Variants in COPA observed in about 807,000 individuals in gnomAD.
The protein encoded by COPA is coat protein complex I subunit alpha.
COPA carries 10 observed loss-of-function variants against 158.7 expected under a neutral mutation model. The observed-to-expected ratio is 0.06, with a 90% confidence interval of 0.04 to 0.11. The LOEUF (loss-of-function observed/expected upper bound fraction) is 0.11. COPA is among the 10% of genes least tolerant of loss of function. COPA has a pLI of 1.00. For synonymous variants in COPA, 462 were observed against 542.8 expected (o/e 0.85, Z 2.07); for missense variants, 1,065 against 1,536.7 (o/e 0.69, Z 5.13).
Position 160,291,375 on chromosome 1 carries a change from C to T in COPA, c.3380G>A (p.Arg1127His), listed in dbSNP as rs776528615. ...AGGCTTGGGCCCGAGTTCTAGTAGG[C>T]GCCGAGCAAAGGTGGCAGCTGTCTT... is the stretch of plus-strand genomic sequence containing the variant. ...NFKTAATFAR[R>H]LLELGPKPEV... The change falls in exon 31 of 33, where the codon CGC becomes CAC. Residue 1127 changes from arginine to histidine, a missense_variant. Transcript: ENST00000241704. 3.3e-5 allele frequency: 53 copies of T among 1,613,784 alleles called. No individual in the cohort carries two copies. Among genetic ancestry groups the T allele is most frequent in the Non-Finnish European group, 4.2e-5 (50 of 1,179,946 alleles).
intron 14 of COPA, 34 bp downstream of exon 14, chr1:160,307,129 C>T (rs1658814377): frequency 1.2e-6 from 2 of 1,606,468 alleles, no homozygotes; most frequent in Non-Finnish European, 1.7e-6. Flanking sequence ...CACCACACTC[C>T]CCAAATTAGT....
In COPA at chr1:160,333,595, T is replaced by C. The variant is rs760151881; in HGVS notation, c.386+8A>G. ...GACTCTTTTCGAGCCCTCTGCCTCC[T>C]GCTTTACCAAACACAGGTTCTAGAT... On this transcript the variant is annotated splice_region_variant and intron_variant, in intron 5 of 32. Transcript: ENST00000241704. 3 of 1,608,160 alleles carry C rather than the reference T, an allele frequency of 1.9e-6. No homozygotes were observed. In the African/African-American group the frequency reaches 4.0e-5, roughly 22 times the overall value.
At chr1:160,320,703 C>T (rs556259081) in intron 8 of COPA, among the ~76,000 whole-genome samples, 1 of 147,850 alleles carries the variant, frequency 6.8e-6, no homozygotes, top group African/African-American at 2.5e-5. Flanking sequence ...TAAAAATTCT[C>T]CCATCAAAGA....
intron 4 of COPA, among the ~76,000 whole-genome samples, chr1:160,334,056 G>A (rs1006064446): frequency 2.6e-5 from 4 of 152,108 alleles, no homozygotes; most frequent in African/African-American, 4.8e-5. Context: ...TCTAGGATGG[G>A]AATATTATTT....
At chr1:160,314,846 C>A (rs1040981067) in intron 8 of COPA, among the ~76,000 whole-genome samples, 1 of 152,052 alleles carries the variant, frequency 6.6e-6, no homozygotes, top group African/African-American at 2.4e-5. Flanking sequence ...GAGCCTTAAA[C>A]AAAGTCTAGT....
Position 160,320,916 on chromosome 1 carries a change from G to A in COPA, c.706+2515C>T, listed in dbSNP as rs555280570. Among the ~76,000 whole-genome samples, 7 of 151,200 alleles carry A rather than the reference G, an allele frequency of 4.6e-5. No homozygotes were observed. The South Asian group carries it at 8.3e-4, about 18-fold the overall frequency. On this transcript the variant is annotated intron_variant, in intron 8 of 32. Coordinates refer to ENST00000241704, the MANE Select transcript of COPA (RefSeq NM_004371.4). ...CCACAAAAAGAGAAAACTACAGGCC[G>A]ATATCACTGATGAACATAGATGCAA...
intron 8 of COPA, among the ~76,000 whole-genome samples, chr1:160,314,467 C>A (rs1211678778): frequency 6.6e-6 from 1 of 152,038 alleles, no homozygotes; most frequent in African/African-American, 2.4e-5. Flanking sequence ...CCCATCTCTA[C>A]AAAAAATACA....
At chr1:160,342,688 C>T (rs1648136119) in intron 1 of COPA, among the ~76,000 whole-genome samples, 1 of 152,144 alleles carries the variant, frequency 6.6e-6, no homozygotes, top group Middle Eastern at 3.2e-3. Flanking sequence ...GCCAAGGCCT[C>T]CTTAAGTGAG....
intron 3 of COPA, among the ~76,000 whole-genome samples, chr1:160,338,219 A>G (rs1256910471): frequency 6.6e-6 from 1 of 152,250 alleles, no homozygotes; most frequent in Non-Finnish European, 1.5e-5. Flanking sequence ...TAACAAATAC[A>G]AAAATACTAT....
intron 3 of COPA, among the ~76,000 whole-genome samples, chr1:160,337,992 T>TGGAAAA (rs1647853513): frequency 6.6e-6 from 1 of 152,164 alleles, no homozygotes; most frequent in Admixed American, 6.5e-5. Flanking sequence ...TCTCATTTCC[T>TGGAAAA]CCCAACCCCT....
At chr1:160,315,711 C>T (rs961199307) in intron 8 of COPA, among the ~76,000 whole-genome samples, 1 of 152,332 alleles carries the variant, frequency 6.6e-6, no homozygotes, top group South Asian at 2.1e-4. Context: ...AATACAAAGA[C>T]ATAGGTGTAT....
chr1:160,313,303 A>G (rs1571164958), intron 9 of COPA, 136 bp from the exon 10 acceptor site: 1 of 693,212 alleles, frequency 1.4e-6, no homozygotes, highest in Admixed American at 2.7e-5. Context: ...ATCCTAAGTA[A>G]CAGTAGTCGT....
At chr1:160,296,777 T>C (rs1658433564) in intron 21 of COPA, among the ~76,000 whole-genome samples, 1 of 152,206 alleles carries the variant, frequency 6.6e-6, no homozygotes, top group African/African-American at 2.4e-5. Context: ...GAACCTTGGA[T>C]ATCCCTGACT....
chr1:160,302,549 C>CTTTTTTTT (rs35112618), intron 17 of COPA, among the ~76,000 whole-genome samples: 2 of 91,688 alleles, frequency 2.2e-5, no homozygotes, highest in Non-Finnish European at 2.1e-5. Flanking sequence ...TCACAAGTTA[C>CTTTTTTTT]TTTTTTTTTT....
Position 160,290,684 on chromosome 1 carries a change from G to A in COPA, c.3423C>T (p.Thr1141=), listed in dbSNP as rs776753399. 15 of 1,613,856 alleles carry A rather than the reference G, an allele frequency of 9.3e-6. No homozygotes were observed. Among genetic ancestry groups the A allele is most frequent in the Admixed American group, 1.7e-5 (1 of 60,004 alleles). Residue 1141 remains threonine, a splice_region_variant and synonymous_variant, in exon 32 of 33, where the codon ACC becomes ACT. Coordinates refer to ENST00000241704, the MANE Select transcript of COPA (RefSeq NM_004371.4). ...LGPKPEVAQQ[T]RKILSACEKN... is the part of the protein sequence containing the mutation. ...TCTCACAGGCAGACAGGATTTTTCG[G>A]GTCTAGGGGAAGGAAGGAGTATTTA...
At chr1:160,327,002 C>T (rs535766205) in intron 6 of COPA, among the ~76,000 whole-genome samples, 2 of 152,220 alleles carry the variant, frequency 1.3e-5, no homozygotes, top group Admixed American at 6.5e-5. Context: ...ATCTCACATT[C>T]GGAAAGTACT....
intron 19 of COPA, among the ~76,000 whole-genome samples, chr1:160,298,644 A>C (rs904688057): frequency 1.3e-5 from 2 of 152,294 alleles, no homozygotes; most frequent in African/African-American, 4.8e-5. Flanking sequence ...CAAAAATAGA[A>C]ATGCGGTGGC....
At chr1:160,320,887 G>C (rs889075035) in intron 8 of COPA, among the ~76,000 whole-genome samples, 1 of 149,020 alleles carries the variant, frequency 6.7e-6, no homozygotes, top group Non-Finnish European at 1.5e-5. Flanking sequence ...ACCAGGCAAG[G>C]ACACCACAAA....
chr1:160,306,666 G>A (rs1251153148), intron 14 of COPA, among the ~76,000 whole-genome samples, 173 bp from the exon 15 acceptor site: 1 of 151,996 alleles, frequency 6.6e-6, no homozygotes, highest in Non-Finnish European at 1.5e-5. Context: ...CTTCTCTAAG[G>A]GCCTTAATAC....
Sources: gnomAD v4.1 joint callset for allele counts (sites outside exome capture counted in the v4.1 genomes callset) on GRCh38, gnomAD v4.1.1 for gene constraint, MANE v1.5 for transcripts, NCBI Gene and HGNC (gene_info 2026-07-23, HGNC 2026-07-21) for gene names.